HDAC9: variants seen among roughly 807,000 people sequenced by gnomAD.
The protein encoded by HDAC9 is MEF-2 interacting transcription repressor (MITR) protein.
A neutral mutation model predicts 139.4 loss-of-function variants in HDAC9; 41 were observed. That is an observed-to-expected ratio of 0.29 (90% CI 0.23 to 0.38). HDAC9 has a LOEUF of 0.38. Among genes scored for constraint, HDAC9 ranks in the 10% least tolerant of loss-of-function variants. The pLI, the probability that HDAC9 is intolerant of heterozygous loss-of-function variation, is 1.00. For synonymous variants in HDAC9, 517 were observed against 476.2 expected (o/e 1.09, Z -1.12); for missense variants, 1,147 against 1,297.0 (o/e 0.88, Z 1.78).
At chr7:18,336,496 A>G (rs1781595017) in intron 1 of HDAC9, among the ~76,000 whole-genome samples, 1 of 151,640 alleles carries the variant, frequency 6.6e-6, no homozygotes, top group Non-Finnish European at 1.5e-5. Flanking sequence ...ATTTTAACAT[A>G]TGTACTTTTC....
chr7:18,732,220 T>C (rs1416959438), intron 13 of HDAC9, among the ~76,000 whole-genome samples: 1 of 152,156 alleles, frequency 6.6e-6, no homozygotes, highest in African/African-American at 2.4e-5. Context: ...TTGAGAATTA[T>C]AAAAATTGAT....
chr7:18,363,006 G>T (rs943292790), intron 1 of HDAC9, among the ~76,000 whole-genome samples: 12 of 152,082 alleles, frequency 7.9e-5, no homozygotes, highest in Non-Finnish European at 1.0e-4. Flanking sequence ...GACATGTGTT[G>T]ATACAGCTTA....
At position 18,359,633 on chromosome 7, in the gene HDAC9, G is replaced by T. The variant is rs568792062; in HGVS notation, c.-42+69118G>T. Reference sequence around the variant, plus strand: ...TTTGGTGATTTTTTTTGTTGAGATGGAATCTCATTCTGTCACCCAGGCTGG... The same window carrying T: ...TTTGGTGATTTTTTTTGTTGAGATGTAATCTCATTCTGTCACCCAGGCTGG... On this transcript the variant is annotated intron_variant, in intron 1 of 3. Coordinates refer to the HDAC9 transcript ENST00000413509. 1.5e-3 allele frequency among the ~76,000 whole-genome samples: 226 copies of T among 152,244 alleles called. 1 individual carries two copies. Among genetic ancestry groups the T allele is most frequent in the Middle Eastern group, 0.01 (3 of 294 alleles).
chr7:18,785,961 A>T (rs1351323471), intron 16 of HDAC9, among the ~76,000 whole-genome samples: 2 of 152,184 alleles, frequency 1.3e-5, no homozygotes. Context: ...TAATTGCTAG[A>T]CAATAATATT....
intron 2 of HDAC9, among the ~76,000 whole-genome samples, chr7:18,534,800 G>T (rs971470273): frequency 3.9e-5 from 6 of 152,158 alleles, no homozygotes; most frequent in Non-Finnish European, 5.9e-5. Flanking sequence ...AGTTTTGTTT[G>T]TCCAGGGAAT....
chr7:18,547,171 C>G (rs1815150104), intron 2 of HDAC9, among the ~76,000 whole-genome samples: 1 of 152,186 alleles, frequency 6.6e-6, no homozygotes, highest in Non-Finnish European at 1.5e-5. Flanking sequence ...GAGGGTCTTG[C>G]CTCAATGTCG....
chr7:18,190,634 G>A (rs562306463), intron 2 of HDAC9, among the ~76,000 whole-genome samples: 19 of 152,206 alleles, frequency 1.2e-4, no homozygotes, highest in Admixed American at 5.9e-4. Flanking sequence ...AGTGGAAAAC[G>A]TTTCTCTAAA....
intron 2 of HDAC9, among the ~76,000 whole-genome samples, chr7:18,584,250 C>T (rs1168387075): frequency 1.4e-5 from 2 of 147,922 alleles, no homozygotes; most frequent in East Asian, 2.1e-4. Flanking sequence ...ACGCCATTCT[C>T]CTGCCTCAGC....
chr7:18,205,014 T>TA (rs1791395385), intron 2 of HDAC9, among the ~76,000 whole-genome samples: 1 of 152,062 alleles, frequency 6.6e-6, no homozygotes, highest in Non-Finnish European at 1.5e-5. Flanking sequence ...TGTGTGTGTG[T>TA]GTTTATAAAC....
intron 21 of HDAC9, among the ~76,000 whole-genome samples, chr7:18,852,846 CTTTT>C (rs200653040): frequency 6.9e-6 from 1 of 144,748 alleles, no homozygotes; most frequent in Non-Finnish European, 1.5e-5. Flanking sequence ...AGTAAAGGAG[CTTTT>C]TTTTTTTCCC....
chr7:18,252,355 A>G (rs1041318661), intron 2 of HDAC9, among the ~76,000 whole-genome samples: 1 of 152,202 alleles, frequency 6.6e-6, no homozygotes, highest in Non-Finnish European at 1.5e-5. Flanking sequence ...TGGGTAACAG[A>G]TGCACCATTA....
At chr7:18,603,821 G>A (rs1257608369) in intron 6 of HDAC9, among the ~76,000 whole-genome samples, 1 of 152,074 alleles carries the variant, frequency 6.6e-6, no homozygotes, top group African/African-American at 2.4e-5. Context: ...TTGTATGGCA[G>A]GCCTACAGGC....
chr7:18,651,055 A>G (rs1276202354), intron 11 of HDAC9, among the ~76,000 whole-genome samples: 1 of 152,214 alleles, frequency 6.6e-6, no homozygotes, highest in Non-Finnish European at 1.5e-5. Context: ...TATTCACAAT[A>G]GAACGCTTAA....
At chr7:18,785,790 A>C (rs954807532) in intron 16 of HDAC9, among the ~76,000 whole-genome samples, 1 of 152,016 alleles carries the variant, frequency 6.6e-6, no homozygotes, top group African/African-American at 2.4e-5. Flanking sequence ...TAGTTTTCTC[A>C]GTTCTTTTTC....
At chr7:18,665,174 A>G (rs1354013449) in intron 11 of HDAC9, among the ~76,000 whole-genome samples, 1 of 152,160 alleles carries the variant, frequency 6.6e-6, no homozygotes, top group Non-Finnish European at 1.5e-5. Context: ...AAAAATCTGC[A>G]TTCATGTTTA....
intron 12 of HDAC9, among the ~76,000 whole-genome samples, chr7:18,701,686 T>TA (rs1163378853): frequency 1.3e-5 from 2 of 152,220 alleles, no homozygotes; most frequent in African/African-American, 4.8e-5. Flanking sequence ...AATTAGTAGA[T>TA]AAAATCATCT....
At chr7:18,136,256 C>T (rs1283813070) in intron 1 of HDAC9, among the ~76,000 whole-genome samples, 1 of 150,748 alleles carries the variant, frequency 6.6e-6, no homozygotes, top group Non-Finnish European at 1.5e-5. Context: ...TGTAGGTTGC[C>T]TGTTCACTCT....
chr7:18,984,271 CAG>C (rs1785149075), intron 25 of HDAC9, among the ~76,000 whole-genome samples: 1 of 152,048 alleles, frequency 6.6e-6, no homozygotes, highest in East Asian at 1.9e-4. Flanking sequence ...AGCAAAAGTT[CAG>C]AGAGTATATG....
chr7:18,348,959 TGATGCTGTGAAGAACA>T (rs1258048442), intron 1 of HDAC9, among the ~76,000 whole-genome samples: 1 of 152,162 alleles, frequency 6.6e-6, no homozygotes, highest in Non-Finnish European at 1.5e-5. Context: ...CTTATAGGTA[TGATGCTGTGAAGAACA>T]GAAATTATTT....
Sources: gnomAD v4.1 joint callset for allele counts (sites outside exome capture counted in the v4.1 genomes callset) on GRCh38, gnomAD v4.1.1 for gene constraint, MANE v1.5 for transcripts, NCBI Gene and HGNC (gene_info 2026-07-23, HGNC 2026-07-21) for gene names.